WWC1: variants seen among roughly 807,000 people sequenced by gnomAD.
WWC1 encodes WW and C2 domain containing 1, also known as protein KIBRA.
Under a neutral mutation model 138.4 loss-of-function variants are expected in WWC1, and 55 were observed. That is an observed-to-expected ratio of 0.40 (90% CI 0.32 to 0.50). WWC1 has a LOEUF of 0.50. WWC1 is among the 20% of genes least tolerant of loss of function. The pLI, the probability that WWC1 is intolerant of heterozygous loss-of-function variation, is 0.72. For missense variants in WWC1, 1,226 were observed against 1,420.4 expected (o/e 0.86, Z 2.20); for synonymous variants, 524 against 564.9 (o/e 0.93, Z 1.03).
chr5:168,338,770 G>A (rs1321813554), intron 1 of WWC1, among the ~76,000 whole-genome samples: 1 of 152,124 alleles, frequency 6.6e-6, no homozygotes, highest in Non-Finnish European at 1.5e-5. Flanking sequence ...CACTCATGTG[G>A]AAGGTACAAA....
chr5:168,417,867 A>G (rs1481716673), intron 9 of WWC1, among the ~76,000 whole-genome samples: 2 of 152,162 alleles, frequency 1.3e-5, no homozygotes, highest in East Asian at 3.9e-4. Context: ...TACCATGCTC[A>G]TGGCTGTGGG....
intron 9 of WWC1, among the ~76,000 whole-genome samples, chr5:168,418,379 G>A (rs566699008): frequency 4.4e-4 from 67 of 152,248 alleles, no homozygotes; most frequent in African/African-American, 4.8e-4. Flanking sequence ...CGATTCTTCC[G>A]GCCTGAGATG....
chr5:168,322,969 G>A (rs1170654295), intron 1 of WWC1, among the ~76,000 whole-genome samples: 2 of 152,202 alleles, frequency 1.3e-5, no homozygotes, highest in African/African-American at 4.8e-5. Flanking sequence ...TATTGACAGT[G>A]TCCAGCCAAC....
intron 1 of WWC1, among the ~76,000 whole-genome samples, chr5:168,362,404 C>G (rs1031803374): frequency 3.3e-5 from 5 of 152,212 alleles, no homozygotes; most frequent in African/African-American, 1.2e-4. Context: ...TAGAAAATGA[C>G]AGAGCCTGGA....
At chr5:168,457,829 C>T (rs1756470338) in intron 19 of WWC1, among the ~76,000 whole-genome samples, 1 of 152,264 alleles carries the variant, frequency 6.6e-6, no homozygotes, top group African/African-American at 2.4e-5. Context: ...ACTGCCACTA[C>T]TTACCATTAA....
intron 1 of WWC1, among the ~76,000 whole-genome samples, chr5:168,331,356 T>G (rs749903704): frequency 3.3e-5 from 5 of 152,192 alleles, no homozygotes; most frequent in Non-Finnish European, 5.9e-5. Flanking sequence ...TCCATAGAAA[T>G]GTTTGGCCCA....
intron 5 of WWC1, among the ~76,000 whole-genome samples, chr5:168,403,070 C>CTTTCTTTCTTTCT (rs1561712481): frequency 3.7e-4 from 32 of 86,886 alleles, no homozygotes; most frequent in African/African-American, 1.3e-3. Context: ...TTCTTTCTTT[C>CTTTCTTTCTTTCT]TTTCTTTCTT....
At chr5:168,318,703 G>A (rs1771813656) in intron 1 of WWC1, among the ~76,000 whole-genome samples, 1 of 152,094 alleles carries the variant, frequency 6.6e-6, no homozygotes, top group East Asian at 1.9e-4. Context: ...GGGATTACAG[G>A]CACCTGCTAC....
At chr5:168,338,252 G>T (rs777622674) in intron 1 of WWC1, among the ~76,000 whole-genome samples, 33 of 151,148 alleles carry the variant, frequency 2.2e-4, no homozygotes, top group Non-Finnish European at 2.7e-4. Context: ...CGGAGGTTGT[G>T]GTGAGCCGAG....
At chr5:168,402,961 CT>C (rs139679876) in intron 5 of WWC1, among the ~76,000 whole-genome samples, 1,978 of 151,696 alleles carry the variant, frequency 0.013, 41 homozygotes, top group African/African-American at 0.044. Context: ...GTAATTTCCC[CT>C]ATTAGAAAAT....
In WWC1 at chr5:168,423,886, C is replaced by G. The variant is rs751993520; in HGVS notation, c.1628C>G (p.Pro543Arg). ...TCCCCACGTTCCTCTCTCTCCTCCC[C>G]CTCCCCACCCTGTTCCCCTCTCATG... is the stretch of plus-strand genomic sequence containing the variant. The part of the protein sequence containing the change: ...SLSPRSSLSS[P>R]SPPCSPLMAD... Residue 543 changes from proline to arginine, a missense_variant, in exon 11 of 23, where the codon CCC becomes CGC. Transcript: ENST00000265293. 4 of 1,614,112 alleles carry G rather than the reference C, an allele frequency of 2.5e-6. No individual in the cohort carries two copies. The East Asian group carries it at 6.7e-5, about 27-fold the overall frequency.
chr5:168,449,169 C>T (rs533007069), intron 17 of WWC1, among the ~76,000 whole-genome samples: 58 of 152,182 alleles, frequency 3.8e-4, no homozygotes, highest in African/African-American at 1.3e-3. Context: ...TTCCGCTTTG[C>T]CACTCCAGTA....
At chr5:168,443,304 C>G (rs2152873345) in intron 16 of WWC1, among the ~76,000 whole-genome samples, 1 of 152,250 alleles carries the variant, frequency 6.6e-6, no homozygotes, top group South Asian at 2.1e-4. Flanking sequence ...CCTCTCCTTT[C>G]CCTCCCATCC....
intron 1 of WWC1, among the ~76,000 whole-genome samples, chr5:168,331,105 C>G (rs934467272): frequency 3.4e-4 from 52 of 152,192 alleles, no homozygotes; most frequent in African/African-American, 1.2e-3. Flanking sequence ...GCAAACAGCC[C>G]AAATCTCTCT....
intron 22 of WWC1, 60 bp from the exon 23 acceptor site, chr5:168,468,891 C>T: frequency 6.4e-7 from 1 of 1,573,456 alleles, no homozygotes. Context: ...TTATCCTGCC[C>T]AGAATCTCTG....
At chr5:168,394,442 C>T (rs868097341) in intron 3 of WWC1, among the ~76,000 whole-genome samples, 8 of 152,184 alleles carry the variant, frequency 5.3e-5, no homozygotes, top group Middle Eastern at 3.4e-3. Context: ...GTTCTTGTAG[C>T]GGGGCCGGGC....
chr5:168,342,140 T>TG (rs943949121), intron 1 of WWC1, among the ~76,000 whole-genome samples: 1 of 152,134 alleles, frequency 6.6e-6, no homozygotes, highest in Non-Finnish European at 1.5e-5. Flanking sequence ...TGGGGAGCAC[T>TG]GGGGGGACTT....
At chr5:168,307,434 C>G (rs1770673691) in intron 1 of WWC1, among the ~76,000 whole-genome samples, 1 of 151,976 alleles carries the variant, frequency 6.6e-6, no homozygotes, top group African/African-American at 2.4e-5. Flanking sequence ...TTTGCTTGGT[C>G]TTTGCTTGTT....
rs557621965 is a variant in WWC1, at chr5:168,385,250, G to A, written c.269G>A (p.Arg90Gln). The change falls in exon 3 of 23, where the codon CGG becomes CAG. Residue 90 changes from arginine to glutamine, a missense_variant. This residue lies in a region of WWC1 where 1,016 missense variants were observed against 1,153.9 expected (regional missense o/e 0.88). Transcript: ENST00000265293. ...QIEDPRVQWR[R>Q]EQEHMLKDYL... ...GAGGATCCTCGAGTACAATGGCGGC[G>A]GGAGCAGGAACATATGCTGAAGGAT... The A allele has an allele frequency of 3.2e-5, 51 of 1,614,112 alleles. No individual in the cohort carries two copies. Among genetic ancestry groups the A allele is most frequent in the Middle Eastern group, 1.6e-4 (1 of 6,062 alleles).
Sources: allele counts gnomAD v4.1 joint callset (sites outside exome capture counted in the v4.1 genomes callset), GRCh38; gene constraint gnomAD v4.1.1; regional missense constraint gnomAD v4.1.1; transcripts MANE v1.5; gene names NCBI Gene and HGNC (gene_info 2026-07-23, HGNC 2026-07-21).